The following ARL6 variants were observed in gnomAD, a reference collection of about 807,000 sequenced individuals.
ARL6 encodes the protein ADP-ribosylation factor-like protein 6.
Under a neutral mutation model 27.1 loss-of-function variants are expected in ARL6, and 18 were observed. The ratio of observed to expected loss-of-function variants is 0.66; its 90% CI spans 0.46 to 0.98. The LOEUF (loss-of-function observed/expected upper bound fraction) is 0.98. ARL6 is among the 50% of genes least tolerant of loss of function. The probability of loss-of-function intolerance (pLI) is 0.00; values close to 1 mark genes in which losing one functional copy is unlikely to be tolerated. For missense variants in ARL6, 187 were observed against 214.9 expected, an observed-to-expected ratio of 0.87 and a Z score of 0.81; for synonymous variants, 65 against 72.3, an observed-to-expected ratio of 0.90 and a Z score of 0.51.
intron 1 of ARL6, among the ~76,000 whole-genome samples, chr3:97,765,212 GTGTGTGTGT>G (rs1280222701): frequency 0.16 from 1,397 of 8,596 alleles, 21 homozygotes; most frequent in African/African-American, 0.28. Flanking sequence ...TGTATTGGGG[GTGTGTGTGT>G]GTGTGTGTGT....
At chr3:97,764,735 T>TTGCCAAGGGAACGGTGCC (rs2107960748), upstream of ARL6, 3 of 152,468 alleles carry the variant, frequency 2.0e-5, no homozygotes, top group South Asian at 4.1e-4. Context: ...GAAGCTCCTG[T>TTGCCAAGGGAACGGTGCC]TGCCAAGGGA....
intron 2 of ARL6, among the ~76,000 whole-genome samples, chr3:97,774,723 C>A (rs2036811579): frequency 6.6e-6 from 1 of 152,106 alleles, no homozygotes; most frequent in South Asian, 2.1e-4. Flanking sequence ...AGGTCAGCAA[C>A]TGATATAAGA....
At chr3:97,789,568 C>T (rs2037625086) in intron 6 of ARL6, among the ~76,000 whole-genome samples, 1 of 152,026 alleles carries the variant, frequency 6.6e-6, no homozygotes, top group Non-Finnish European at 1.5e-5. Flanking sequence ...TATCCTGATG[C>T]TTATAAGGAT....
At position 97,784,993 on chromosome 3, in the gene ARL6, A is replaced by G. The variant is rs1051086901; in HGVS notation, c.293A>G (p.Asp98Gly). Reference protein sequence around the residue: ...QAIIFVIDSSDRLRMVVAKEE... With the variant: ...QAIIFVIDSSGRLRMVVAKEE... Reference sequence around the variant, plus strand: ...ATTATTTTTGTCATTGATAGTAGTGATAGATTAAGAATGGTTGTGGCCAAA... The same window carrying G: ...ATTATTTTTGTCATTGATAGTAGTGGTAGATTAAGAATGGTTGTGGCCAAA... Residue 98 changes from aspartate (D) to glycine (G), a missense_variant, in exon 5 of 8, where the codon GAT becomes GGT. Asp to Gly is a moderately conservative substitution (Grantham distance 94). Coordinates refer to ENST00000463745, the MANE Select transcript of ARL6 (RefSeq NM_001278293.3). 1.9e-6 allele frequency: 3 copies of G among 1,613,014 alleles called. No individual in the cohort carries two copies. Among genetic ancestry groups the G allele is most frequent in the Non-Finnish European group, 2.5e-6 (3 of 1,179,300 alleles).
intron 4 of ARL6, among the ~76,000 whole-genome samples, chr3:97,784,565 T>C (rs998609164): frequency 1.3e-5 from 2 of 151,708 alleles, no homozygotes; most frequent in African/African-American, 2.4e-5. Flanking sequence ...ACATATATAG[T>C]TTATTCATAT....
At chr3:97,782,421 T>C (rs1026473691) in intron 4 of ARL6, among the ~76,000 whole-genome samples, 1 of 151,898 alleles carries the variant, frequency 6.6e-6, no homozygotes, top group African/African-American at 2.4e-5. Flanking sequence ...ACATTGTAGA[T>C]TGAATGGAGA....
chr3:97,775,869 G>A (rs1265062274), intron 2 of ARL6, among the ~76,000 whole-genome samples: 1 of 152,178 alleles, frequency 6.6e-6, no homozygotes, highest in Non-Finnish European at 1.5e-5. Context: ...CTATTTTAGA[G>A]AATGTTCCAT....
chr3:97,792,817 C>T (rs2037808371), intron 7 of ARL6, among the ~76,000 whole-genome samples: 3 of 152,136 alleles, frequency 2.0e-5, no homozygotes, highest in Admixed American at 6.5e-5. Flanking sequence ...TCAGAAATTC[C>T]ATTTCTGAGC....
At position 97,798,000 on chromosome 3, in the gene ARL6, T is replaced by A. The variant is rs2038083783; in HGVS notation, c.536-24T>A. On this transcript the variant is annotated intron_variant, in intron 7 of 7. Coordinates refer to ENST00000463745, the MANE Select transcript of ARL6 (RefSeq NM_001278293.3). ...GATTTTGCCCTATAGAGATTGATAA[T>A]TTTTGTTTGTTTTTTGTTATCAGAT... is the stretch of plus-strand genomic sequence containing the variant. The A allele has an allele frequency of 5.6e-6, 9 of 1,610,814 alleles. No individual in the cohort carries two copies. The East Asian group carries it at 2.0e-4, about 36-fold the overall frequency.
chr3:97,781,466 TGAG>T (rs1179348775), intron 4 of ARL6, among the ~76,000 whole-genome samples: 1 of 152,088 alleles, frequency 6.6e-6, no homozygotes, highest in Non-Finnish European at 1.5e-5. Flanking sequence ...AGCATATAAA[TGAG>T]GTCATATGTA....
At chr3:97,791,284 G>A (rs1434328250) in intron 6 of ARL6, 2 of 156,446 alleles carry the variant, frequency 1.3e-5, no homozygotes, top group South Asian at 1.9e-4. Context: ...AAATGATTGA[G>A]ATCTACCGAC....
intron 7 of ARL6, among the ~76,000 whole-genome samples, chr3:97,796,647 C>T (rs1267956534): frequency 6.6e-6 from 1 of 152,036 alleles, no homozygotes; most frequent in Non-Finnish European, 1.5e-5. Flanking sequence ...ATTCCCATAC[C>T]AGCAGGTATC....
intron 1 of ARL6, 124 bp from the exon 2 acceptor site, chr3:97,767,957 A>G (rs2036461335): frequency 1.2e-6 from 1 of 868,696 alleles, no homozygotes. Flanking sequence ...GCAAAGCTAC[A>G]TTGACATAGT....
intron 5 of ARL6, among the ~76,000 whole-genome samples, chr3:97,786,074 G>A (rs910219946): frequency 4.6e-5 from 7 of 151,910 alleles, no homozygotes; most frequent in Admixed American, 6.5e-5. Context: ...TTGGCTGGGC[G>A]TGGTGGCTCA....
At chr3:97,781,433 C>T (rs941139040) in intron 4 of ARL6, among the ~76,000 whole-genome samples, 4 of 151,946 alleles carry the variant, frequency 2.6e-5, no homozygotes, top group South Asian at 2.1e-4. Flanking sequence ...CTTAAATTGC[C>T]GTGCACAAAC....
intron 2 of ARL6, among the ~76,000 whole-genome samples, 192 bp from the exon 3 acceptor site, chr3:97,779,967 A>G (rs940551302): frequency 6.6e-6 from 1 of 152,200 alleles, no homozygotes; most frequent in Non-Finnish European, 1.5e-5. Context: ...ATGCAGATTC[A>G]TAATTAGTAA....
chr3:97,768,874 G>A (rs1182356697), intron 2 of ARL6, among the ~76,000 whole-genome samples: 3 of 151,440 alleles, frequency 2.0e-5, no homozygotes, highest in African/African-American at 4.8e-5. Context: ...TTTTTTTTAT[G>A]GTAATGGTAA....
chr3:97,770,251 CA>C (rs2036577424), intron 2 of ARL6, among the ~76,000 whole-genome samples: 1 of 151,972 alleles, frequency 6.6e-6, no homozygotes, highest in Non-Finnish European at 1.5e-5. Flanking sequence ...AATAATATCT[CA>C]TTGTAGTTTG....
intron 2 of ARL6, among the ~76,000 whole-genome samples, chr3:97,770,721 G>T (rs368788971): frequency 1.3e-5 from 2 of 151,994 alleles, no homozygotes; most frequent in South Asian, 2.1e-4. Context: ...GGGAGATAGG[G>T]GTCTAGTTTC....
Sources: allele counts gnomAD v4.1 joint callset (sites outside exome capture counted in the v4.1 genomes callset), GRCh38; gene constraint gnomAD v4.1.1; transcripts MANE v1.5; gene names NCBI Gene and HGNC (gene_info 2026-07-23, HGNC 2026-07-21).